PDE1A: variants seen among roughly 807,000 people sequenced by gnomAD.
PDE1A encodes the protein dual specificity calcium/calmodulin-dependent 3',5'-cyclic nucleotide phosphodiesterase 1A.
In PDE1A, 35 loss-of-function variants were observed where a neutral mutation model predicts 61.7. That is an observed-to-expected ratio of 0.57 (90% confidence interval 0.43 to 0.75). The LOEUF (loss-of-function observed/expected upper bound fraction) is 0.75, where lower values mean the gene tolerates loss of function less well. Ranked by LOEUF, PDE1A falls within the 30% of genes least tolerant of loss-of-function variation. The pLI, the probability that PDE1A is intolerant of heterozygous loss-of-function variation, is 0.00. For missense variants in PDE1A, 597 were observed against 630.6 expected, an observed-to-expected ratio of 0.95 and a Z score of 0.57; for synonymous variants, 232 against 213.2, an observed-to-expected ratio of 1.09 and a Z score of -0.77.
intron 1 of PDE1A, among the ~76,000 whole-genome samples, chr2:182,338,808 CG>C (rs1649583148): frequency 1.3e-5 from 2 of 152,284 alleles, no homozygotes; most frequent in South Asian, 4.1e-4. Flanking sequence ...AGGTGTGACC[CG>C]CTGTGCCCAG....
chr2:182,228,101 T>C (rs1689282429), intron 6 of PDE1A, among the ~76,000 whole-genome samples: 1 of 152,122 alleles, frequency 6.6e-6, no homozygotes, highest in Admixed American at 6.6e-5. Flanking sequence ...TTATAAAACA[T>C]TTGCTCCTTA....
chr2:182,459,367 G>A (rs567258227), intron 2 of PDE1A, among the ~76,000 whole-genome samples: 1 of 152,222 alleles, frequency 6.6e-6, no homozygotes, highest in East Asian at 1.9e-4. Flanking sequence ...CATATTGAGA[G>A]GAAGTTGGAC....
chr2:182,589,323 T>C, the PDE1A span, among the ~76,000 whole-genome samples: 1 of 139,674 alleles, frequency 7.2e-6, no homozygotes, highest in Non-Finnish European at 1.6e-5. Flanking sequence ...AGAGGTATGA[T>C]TGATGTAATT....
chr2:182,586,056 T>C, the PDE1A span, among the ~76,000 whole-genome samples: 1 of 152,220 alleles, frequency 6.6e-6, no homozygotes, highest in Admixed American at 6.5e-5. Flanking sequence ...AAATACTGAA[T>C]GTTTTCGCAT....
intron 1 of PDE1A, among the ~76,000 whole-genome samples, chr2:182,371,447 A>G (rs1700124324): frequency 6.6e-6 from 1 of 152,218 alleles, no homozygotes; most frequent in Admixed American, 6.5e-5. Flanking sequence ...TCAGGAGCTG[A>G]GCAAAGGGAG....
At chr2:182,357,473 C>A (rs1699260633) in intron 1 of PDE1A, among the ~76,000 whole-genome samples, 1 of 152,112 alleles carries the variant, frequency 6.6e-6, no homozygotes, top group African/African-American at 2.4e-5. Flanking sequence ...ATCACAAATT[C>A]ATTGACCTTT....
At chr2:182,270,615 G>A (rs1011446218) in intron 1 of PDE1A, among the ~76,000 whole-genome samples, 4 of 150,812 alleles carry the variant, frequency 2.7e-5, no homozygotes, top group Admixed American at 6.6e-5. Flanking sequence ...AACTATCAAC[G>A]TTCCCACTTG....
At chr2:182,376,151 T>C (rs1271690718) in intron 1 of PDE1A, among the ~76,000 whole-genome samples, 2 of 152,250 alleles carry the variant, frequency 1.3e-5, no homozygotes, top group East Asian at 3.8e-4. Flanking sequence ...GGCTCCTTGT[T>C]ACTTATGCAA....
At chr2:182,255,659 CTTTTT>C (rs1303654382) in intron 2 of PDE1A, among the ~76,000 whole-genome samples, 2 of 133,572 alleles carry the variant, frequency 1.5e-5, no homozygotes, top group East Asian at 2.2e-4. Flanking sequence ...TCTTTCTTTT[CTTTTT>C]TTTTTTTTTT....
chr2:182,274,891 AT>A (rs1334065916), intron 1 of PDE1A, among the ~76,000 whole-genome samples: 2 of 152,256 alleles, frequency 1.3e-5, no homozygotes, highest in South Asian at 2.1e-4. Context: ...TTATATTGAC[AT>A]TGACAGAAGT....
intron 1 of PDE1A, among the ~76,000 whole-genome samples, chr2:182,390,217 A>C (rs922561400): frequency 6.6e-6 from 1 of 152,094 alleles, no homozygotes; most frequent in Non-Finnish European, 1.5e-5. Flanking sequence ...AGAGGAACTG[A>C]ATTTAAGGAT....
chr2:182,675,718 C>CT, the PDE1A span, among the ~76,000 whole-genome samples: 71 of 152,200 alleles, frequency 4.7e-4, no homozygotes, highest in African/African-American at 1.7e-3. Context: ...TAATGTTGAG[C>CT]TTTTTTTCAT....
downstream of PDE1A, among the ~76,000 whole-genome samples, chr2:182,163,032 T>A (rs1045665571): frequency 6.6e-6 from 1 of 152,150 alleles, no homozygotes; most frequent in African/African-American, 2.4e-5. Context: ...CAGAGACTAG[T>A]GCAACCATCA....
At chr2:182,182,082 T>C (rs1383352705) in intron 13 of PDE1A, among the ~76,000 whole-genome samples, 2 of 152,218 alleles carry the variant, frequency 1.3e-5, no homozygotes, top group African/African-American at 2.4e-5. Context: ...ATGTCTTTGA[T>C]GCATATGCAC....
chr2:182,378,234 C>G (rs890934494), intron 1 of PDE1A, among the ~76,000 whole-genome samples: 13 of 152,150 alleles, frequency 8.5e-5, no homozygotes, highest in Admixed American at 5.9e-4. Context: ...AAGCCCAACA[C>G]AAAAGTTTGC....
At chr2:182,381,655 T>C (rs1027951959) in intron 1 of PDE1A, among the ~76,000 whole-genome samples, 1 of 151,886 alleles carries the variant, frequency 6.6e-6, no homozygotes, top group Admixed American at 6.6e-5. Context: ...CTAATAAAAA[T>C]ACAAAACTTA....
the PDE1A span, among the ~76,000 whole-genome samples, chr2:182,629,963 A>G: frequency 1.3e-5 from 2 of 152,074 alleles, no homozygotes; most frequent in Non-Finnish European, 2.9e-5. Flanking sequence ...TGTTAGTTTA[A>G]TTTGTACTTG....
chr2:182,686,577 G>A, the PDE1A span, among the ~76,000 whole-genome samples: 2 of 152,212 alleles, frequency 1.3e-5, no homozygotes, highest in Admixed American at 1.3e-4. Context: ...AATAGGAACA[G>A]CTCCAGTCTA....
Sources: gnomAD v4.1 joint callset for allele counts (sites outside exome capture counted in the v4.1 genomes callset) on GRCh38, gnomAD v4.1.1 for gene constraint, MANE v1.5 for transcripts, NCBI Gene and HGNC (gene_info 2026-07-23, HGNC 2026-07-21) for gene names.